Variants in GCHFR observed in about 807,000 individuals in gnomAD.
GCHFR encodes GTP cyclohydrolase I feedback regulator, also known as GTP cyclohydrolase 1 feedback regulatory protein.
In GCHFR, 12 loss-of-function variants were observed where a neutral mutation model predicts 10.6. That is an observed-to-expected ratio of 1.13 (90% CI 0.72 to 1.83). The LOEUF is 1.83. Ranked by LOEUF, GCHFR falls within the 40% of genes most tolerant of loss-of-function variation. The pLI is 0.00. For synonymous variants in GCHFR, 54 were observed against 43.7 expected (o/e 1.24, Z -0.93); for missense variants, 116 against 110.6 (o/e 1.05, Z -0.22).
intron 2 of GCHFR, 185 bp downstream of exon 2, chr15:40,766,106 C>T (rs538137516): frequency 3.0e-5 from 13 of 430,826 alleles, no homozygotes; most frequent in Middle Eastern, 7.8e-4. Flanking sequence ...CCCTCTCCCC[C>T]ACGAGGCTTG....
Position 40,767,388 on chromosome 15 carries a change from A to G in GCHFR, c.*39A>G. ...ATTTGCAGACGGGGCACCCCTGTGG[A>G]GGGGCTGCTGTGGGCCCTGACCTCC... On this transcript the variant is annotated 3_prime_UTR_variant, in exon 3 of 3. Transcript: ENST00000260447. 1 of 1,569,570 alleles carries G rather than the reference A, an allele frequency of 6.4e-7. No individual in the cohort carries two copies. The highest frequency in any genetic ancestry group is 8.6e-7 in the Non-Finnish European group (1 of 1,159,218).
rs866444937 is a variant in GCHFR, at chr15:40,764,211, C to A, written c.31C>A (p.Arg11Ser). The A allele has an allele frequency of 6.4e-7, 1 of 1,557,566 alleles. No homozygotes were observed. ...CTACCTGCTCATCAGCACCCAGATC[C>A]GCATGGTGAGTACCGGCCGCCTGGC... MPYLLISTQI[R>S]MEVGPTMVGD... is the part of the protein sequence containing the mutation. The change falls in exon 1 of 3, where the codon CGC (arginine) becomes AGC (serine). Residue 11 changes from arginine (R) to serine (S), a missense_variant. Physicochemically the swap from Arg to Ser is moderately radical, Grantham distance 110. Coordinates refer to ENST00000260447, the MANE Select transcript of GCHFR (RefSeq NM_005258.3).
At position 40,764,115 on chromosome 15, in the gene GCHFR, GAGA is replaced by G; in HGVS notation, c.-63_-61del. On this transcript the variant is annotated 5_prime_UTR_variant, in exon 1 of 3. Coordinates refer to ENST00000260447, the MANE Select transcript of GCHFR (RefSeq NM_005258.3). ...CAGCTGCGCGTCGCAGTCCCGACGC[GAGA>G]AGGGCTGGAGTCGGCGTCCAGCCTA... The G allele has an allele frequency of 6.8e-7, 1 of 1,475,746 alleles. No individual in the cohort carries two copies. The highest frequency in any genetic ancestry group is 9.1e-7 in the Non-Finnish European group (1 of 1,096,462). 91.4% of individuals were successfully genotyped at this position (1,475,746 alleles called of 1,614,324 possible).
chr15:40,767,125 G>C, intron 2 of GCHFR, 101 bp from the exon 3 acceptor site: 2 of 1,254,418 alleles, frequency 1.6e-6, no homozygotes. Context: ...GCAAGTGTGA[G>C]TCACTACAAG....
At chr15:40,767,097 G>T in intron 2 of GCHFR, 129 bp from the exon 3 acceptor site, 1 of 934,472 alleles carries the variant, frequency 1.1e-6, no homozygotes. Flanking sequence ...ACTTACCCCA[G>T]CGCCCAGCAA....
intron 1 of GCHFR, chr15:40,764,539 C>A (rs1888906856): frequency 5.1e-6 from 2 of 390,964 alleles, no homozygotes; most frequent in South Asian, 4.6e-5. Flanking sequence ...TGGCCTCACG[C>A]GCAGCACCTA....
rs368843851 is a variant in GCHFR, at chr15:40,764,348, G to A, written c.36+132G>A. 67 of 714,072 alleles carry A rather than the reference G, an allele frequency of 9.4e-5. 1 individual carries two copies. The South Asian group carries it at 1.6e-3, about 17-fold the overall frequency. The allele number at this position is 714,072 out of a possible 1,614,324, so 44.2% of individuals were successfully genotyped here. A position where few individuals can be genotyped will look rare whatever the true frequency, so the allele number is the denominator to read the frequency against. On this transcript the variant is annotated intron_variant, in intron 1 of 2. Coordinates refer to ENST00000260447, the MANE Select transcript of GCHFR (RefSeq NM_005258.3). ...GGAACCCGCCCAGACACGCCCCCTTGGCCGGGGAGAGGGAGTGGAGAAGCG... is the reference window on the plus strand; with the variant it reads ...GGAACCCGCCCAGACACGCCCCCTTAGCCGGGGAGAGGGAGTGGAGAAGCG...
At chr15:40,764,552 G>T in intron 1 of GCHFR, 1 of 345,662 alleles carries the variant, frequency 2.9e-6, no homozygotes. Context: ...AGCACCTAGT[G>T]CCCTGCACAG....
chr15:40,765,814 G>A lies in GCHFR; in HGVS notation c.37-13G>A. 4 of 1,486,336 alleles carry A rather than the reference G, an allele frequency of 2.7e-6. No individual in the cohort carries two copies. The South Asian group carries it at 3.7e-5, about 14-fold the overall frequency. The allele number at this position is 1,486,336 out of a possible 1,614,324, so 92.1% of individuals were successfully genotyped here. Reference sequence around the variant, plus strand: ...GGCAGCCAGCCAAGCAGCCACTGTGGCTTACCTTGCAGGAGGTGGGCCCCA... The same window carrying A: ...GGCAGCCAGCCAAGCAGCCACTGTGACTTACCTTGCAGGAGGTGGGCCCCA... On this transcript the variant is annotated splice_polypyrimidine_tract_variant and intron_variant, in intron 1 of 2. Coordinates refer to ENST00000260447, the MANE Select transcript of GCHFR (RefSeq NM_005258.3).
chr15:40,767,115 G>T (rs575129891), intron 2 of GCHFR, 111 bp from the exon 3 acceptor site: 6 of 1,165,802 alleles, frequency 5.1e-6, no homozygotes, highest in Admixed American at 3.0e-5. Flanking sequence ...CAAGCAGCCA[G>T]CAAGTGTGAG....
At chr15:40,764,328 C>T in intron 1 of GCHFR, 112 bp downstream of exon 1, 2 of 920,626 alleles carry the variant, frequency 2.2e-6, no homozygotes, top group Non-Finnish European at 3.0e-6. Context: ...GACCGGGAAC[C>T]CGCCCAGACA....
chr15:40,764,488 G>A, intron 1 of GCHFR: 1 of 457,764 alleles, frequency 2.2e-6, no homozygotes, highest in Non-Finnish European at 3.9e-6. Context: ...GGCGCTTCCG[G>A]CTCCTGTCCT....
chr15:40,765,154 ATT>A (rs1163214340), intron 1 of GCHFR: 2 of 152,170 alleles, frequency 1.3e-5, no homozygotes, highest in Non-Finnish European at 2.9e-5. Context: ...CCCCAAAGTG[ATT>A]CTTATTTCTT....
chr15:40,767,350 C>T lies in GCHFR; in HGVS notation c.*1C>T, dbSNP rs1888973293. 3 of 1,594,842 alleles carry T rather than the reference C, an allele frequency of 1.9e-6. No individual in the cohort carries two copies. In the East Asian group the frequency reaches 6.9e-5, roughly 37 times the overall value. Reference sequence around the variant, plus strand: ...GGTGTGGTGTCTGCACAAGGAGTGACCTTCTCATGCTGATTTGCAGACGGG... The same window carrying T: ...GGTGTGGTGTCTGCACAAGGAGTGATCTTCTCATGCTGATTTGCAGACGGG... On this transcript the variant is annotated 3_prime_UTR_variant, in exon 3 of 3. Coordinates refer to ENST00000260447, the MANE Select transcript of GCHFR (RefSeq NM_005258.3).
chr15:40,765,792 A>T, intron 1 of GCHFR, 35 bp from the exon 2 acceptor site: 1 of 1,154,816 alleles, frequency 8.7e-7, no homozygotes, highest in Non-Finnish European at 1.2e-6. Flanking sequence ...TCCTCCTGGC[A>T]GCCAGCCAAG....
chr15:40,766,077 G>C (rs1044940780), intron 2 of GCHFR, 156 bp downstream of exon 2: 5 of 450,054 alleles, frequency 1.1e-5, no homozygotes, highest in Non-Finnish European at 8.1e-6. Context: ...GGTCCCATCT[G>C]TAGCCTCTCC....
rs1339824390 is a variant in GCHFR at position 40,767,473 on chromosome 15, C to T, written c.*124C>T. ...TTCCCAAATCATCACCGCCATGGGC[C>T]CAGCCCCAAAGGGCAGTGAATGGCC... is the stretch of plus-strand genomic sequence containing the variant. On this transcript the variant is annotated 3_prime_UTR_variant, in exon 3 of 3. Transcript: ENST00000260447. 8.5e-6 allele frequency: 10 copies of T among 1,171,550 alleles called. No individual in the cohort carries two copies. The Admixed American group carries it at 2.9e-4, about 34-fold the overall frequency. 72.6% of individuals were successfully genotyped at this position (1,171,550 alleles called of 1,614,324 possible).
intron 1 of GCHFR, 22 bp from the exon 2 acceptor site, chr15:40,765,805 G>C (rs758456475): frequency 9.5e-6 from 13 of 1,375,500 alleles, no homozygotes; most frequent in African/African-American, 1.4e-5. Flanking sequence ...CAGCCAAGCA[G>C]CCACTGTGGC....
At chr15:40,765,730 C>A (rs1166487001) in intron 1 of GCHFR, 97 bp from the exon 2 acceptor site, 4 of 546,408 alleles carry the variant, frequency 7.3e-6, no homozygotes, top group African/African-American at 1.9e-5. Flanking sequence ...TTTACCTGAA[C>A]CTTACTCAGG....
Sources: gnomAD v4.1 joint callset for allele counts on GRCh38, gnomAD v4.1.1 for gene constraint, MANE v1.5 for transcripts, NCBI Gene and HGNC (gene_info 2026-07-23, HGNC 2026-07-21) for gene names.